The following PRKG1 variants were observed in gnomAD, a reference collection of about 807,000 sequenced individuals.
PRKG1 encodes protein kinase cGMP-dependent 1.
In PRKG1, 35 loss-of-function variants were observed where a neutral mutation model predicts 88.1. That is an observed-to-expected ratio of 0.40 (90% confidence interval 0.30 to 0.53). The LOEUF is 0.53. PRKG1 is among the 20% of genes least tolerant of loss of function. The pLI is 0.59. For synonymous variants in PRKG1, 303 were observed against 292.5 expected (o/e 1.04, Z -0.37); for missense variants, 540 against 839.8 (o/e 0.64, Z 4.41).
At chr10:51,144,682 A>C (rs1845899329) in intron 1 of PRKG1, among the ~76,000 whole-genome samples, 1 of 152,200 alleles carries the variant, frequency 6.6e-6, no homozygotes, top group Non-Finnish European at 1.5e-5. Flanking sequence ...CATCTCACTT[A>C]AGGCAGACTG....
intron 2 of PRKG1, among the ~76,000 whole-genome samples, chr10:51,253,775 A>G (rs566247312): frequency 6.6e-6 from 1 of 152,116 alleles, no homozygotes; most frequent in Admixed American, 6.6e-5. Context: ...AAGACTTTAG[A>G]ACTTTTCATC....
At chr10:51,169,020 A>C (rs1846625748) in intron 2 of PRKG1, among the ~76,000 whole-genome samples, 1 of 152,174 alleles carries the variant, frequency 6.6e-6, no homozygotes, top group Non-Finnish European at 1.5e-5. Flanking sequence ...GTCGCAGAAC[A>C]TTGAAATTTT....
chr10:51,007,320 G>T (rs539020491), intron 1 of PRKG1, among the ~76,000 whole-genome samples: 1 of 152,174 alleles, frequency 6.6e-6, no homozygotes, highest in African/African-American at 2.4e-5. Flanking sequence ...CCATTAAATA[G>T]CAAGGGATTA....
At chr10:51,277,374 A>G (rs1379835619) in intron 2 of PRKG1, among the ~76,000 whole-genome samples, 1 of 152,148 alleles carries the variant, frequency 6.6e-6, no homozygotes, top group Non-Finnish European at 1.5e-5. Context: ...GCCTTGTAGT[A>G]TAGTTTGAAG....
chr10:51,185,286 A>G (rs1470256389), intron 2 of PRKG1, among the ~76,000 whole-genome samples: 1 of 152,158 alleles, frequency 6.6e-6, no homozygotes, highest in East Asian at 1.9e-4. Context: ...TATGGTGAAT[A>G]TTAAGTCTGC....
chr10:51,768,372 C>T (rs115535425), intron 3 of PRKG1, among the ~76,000 whole-genome samples: 3,378 of 152,134 alleles, frequency 0.022, 122 homozygotes, highest in African/African-American at 0.076. Flanking sequence ...CTTTTTAGCT[C>T]TAAGTAGTTC....
intron 3 of PRKG1, among the ~76,000 whole-genome samples, chr10:51,473,755 A>ATTTTT (rs34322474): frequency 2.7e-5 from 4 of 148,148 alleles, no homozygotes; most frequent in Non-Finnish European, 6.0e-5. Flanking sequence ...AGAAACACTG[A>ATTTTT]TTTTTTTTTT....
chr10:51,578,198 A>G (rs993948974), intron 3 of PRKG1, among the ~76,000 whole-genome samples: 2 of 152,118 alleles, frequency 1.3e-5, no homozygotes, highest in Non-Finnish European at 2.9e-5. Flanking sequence ...GCACACTTCA[A>G]TTAGATTATT....
chr10:51,496,790 C>T (rs563437106), intron 3 of PRKG1, among the ~76,000 whole-genome samples: 1 of 152,038 alleles, frequency 6.6e-6, no homozygotes, highest in East Asian at 1.9e-4. Context: ...TTAGTAAAAC[C>T]CTGTTAAATT....
chr10:51,672,593 A>G (rs889191591), intron 3 of PRKG1, among the ~76,000 whole-genome samples: 2 of 151,834 alleles, frequency 1.3e-5, no homozygotes, highest in Admixed American at 6.6e-5. Flanking sequence ...TAATTTTGCT[A>G]TTTGATTTTT....
chr10:51,013,039 AG>A (rs1374989695), intron 1 of PRKG1, among the ~76,000 whole-genome samples: 2 of 152,240 alleles, frequency 1.3e-5, no homozygotes, highest in Non-Finnish European at 2.9e-5. Flanking sequence ...AGTGGGTGAC[AG>A]GAACGGTGGC....
intron 8 of PRKG1, among the ~76,000 whole-genome samples, chr10:52,148,985 G>GTTTTTTTTTTT (rs1837819341): frequency 1.3e-5 from 1 of 74,692 alleles, no homozygotes; most frequent in African/African-American, 6.7e-5. Flanking sequence ...TTTTTTTTTA[G>GTTTTTTTTTTT]GTTTGGAAAG....
At chr10:51,550,202 C>A (rs997404373) in intron 3 of PRKG1, among the ~76,000 whole-genome samples, 2 of 152,022 alleles carry the variant, frequency 1.3e-5, no homozygotes, top group Non-Finnish European at 2.9e-5. Flanking sequence ...AAACTATGAC[C>A]TTTCCTTAAT....
At chr10:52,148,961 T>G (rs1470174563) in intron 8 of PRKG1, among the ~76,000 whole-genome samples, 1 of 143,488 alleles carries the variant, frequency 7.0e-6, no homozygotes, top group Non-Finnish European at 1.5e-5. Flanking sequence ...GTTTTGCTTT[T>G]TTTTTTTTTT....
Position 51,433,355 on chromosome 10 carries a change from C to T in PRKG1, c.479-34368C>T, listed in dbSNP as rs558500414. 2.9e-4 allele frequency among the ~76,000 whole-genome samples: 44 copies of T among 152,222 alleles called. 1 individual carries two copies. Among genetic ancestry groups the T allele is most frequent in the Non-Finnish European group, 5.4e-4 (37 of 67,986 alleles). On this transcript the variant is annotated intron_variant, in intron 2 of 17. Coordinates refer to ENST00000373980, the MANE Select transcript of PRKG1 (RefSeq NM_006258.4). ...AAATCAGATGAAACATGCTGTGCATCCTGGTTGCCCCATGTTGTAGCTTGG... is the reference window on the plus strand; with the variant it reads ...AAATCAGATGAAACATGCTGTGCATTCTGGTTGCCCCATGTTGTAGCTTGG...
intron 5 of PRKG1, among the ~76,000 whole-genome samples, chr10:51,963,174 G>A (rs1589461177): frequency 6.6e-6 from 1 of 152,102 alleles, no homozygotes. Flanking sequence ...CTTGCATACA[G>A]CATTCATTAG....
chr10:51,889,418 C>T (rs542409743), intron 4 of PRKG1, among the ~76,000 whole-genome samples: 3 of 152,118 alleles, frequency 2.0e-5, no homozygotes, highest in African/African-American at 7.2e-5. Flanking sequence ...CGTAGTATTC[C>T]ATGGTGTATA....
At position 51,697,834 on chromosome 10, in the gene PRKG1, C is replaced by G. The variant is rs368789709; in HGVS notation, c.593-106751C>G. The G allele has an allele frequency of 5.8e-5, 94 of 1,614,032 alleles. No homozygotes were observed. Among genetic ancestry groups the G allele is most frequent in the Non-Finnish European group, 6.8e-5 (80 of 1,180,034 alleles). On this transcript the variant is annotated intron_variant, in intron 3 of 17. Coordinates refer to ENST00000373980, the MANE Select transcript of PRKG1 (RefSeq NM_006258.4). ...TGATCAAAGCTGCCTTCTCCTGATC[C>G]TGTGGAGTGACCTGGCTCTGCCCAG...
chr10:52,185,795 T>C (rs1481716605), intron 9 of PRKG1, among the ~76,000 whole-genome samples: 1 of 152,200 alleles, frequency 6.6e-6, no homozygotes, highest in Non-Finnish European at 1.5e-5. Context: ...CCAGGGATTA[T>C]GGTGGCTTAT....
Sources: allele counts gnomAD v4.1 joint callset (sites outside exome capture counted in the v4.1 genomes callset), GRCh38; gene constraint gnomAD v4.1.1; transcripts MANE v1.5; gene names NCBI Gene and HGNC (gene_info 2026-07-23, HGNC 2026-07-21).